Variants in ELMO1 observed in about 807,000 individuals in gnomAD.
The protein encoded by ELMO1 is engulfment and cell motility protein 1.
A neutral mutation model predicts 98.9 loss-of-function variants in ELMO1; 26 were observed. The observed-to-expected ratio is 0.26, with a 90% CI of 0.19 to 0.36. The LOEUF is 0.36. ELMO1 is among the 10% of genes least tolerant of loss of function. The pLI is 1.00. For synonymous variants in ELMO1, 346 were observed against 346.0 expected, an observed-to-expected ratio of 1.00 and a Z score of 0.00; for missense variants, 627 against 935.2, an observed-to-expected ratio of 0.67 and a Z score of 4.30.
At chr7:36,997,628 T>C (rs1413854744) in intron 16 of ELMO1, among the ~76,000 whole-genome samples, 1 of 152,106 alleles carries the variant, frequency 6.6e-6, no homozygotes, top group Non-Finnish European at 1.5e-5. Flanking sequence ...GAGTTTAGCT[T>C]TGGACATCCC....
intron 16 of ELMO1, among the ~76,000 whole-genome samples, chr7:36,922,158 T>C (rs1197254532): frequency 6.6e-6 from 1 of 152,092 alleles, no homozygotes; most frequent in Non-Finnish European, 1.5e-5. Context: ...TAATTTAACA[T>C]AAAGGAGAGG....
intron 13 of ELMO1, among the ~76,000 whole-genome samples, chr7:37,183,118 G>A (rs1392188259): frequency 4.6e-5 from 7 of 152,156 alleles, no homozygotes; most frequent in African/African-American, 1.7e-4. Flanking sequence ...AATAGTTTAG[G>A]AGCAGACATC....
chr7:37,372,155 C>T (rs6960995), intron 1 of ELMO1, among the ~76,000 whole-genome samples: 77,563 of 151,696 alleles, frequency 0.51, 19,952 homozygotes, highest in East Asian at 0.7. Flanking sequence ...TAGCACAGTT[C>T]CAAAACTCTA....
intron 4 of ELMO1, among the ~76,000 whole-genome samples, chr7:37,293,767 A>C (rs1583479201): frequency 6.6e-5 from 1 of 15,260 alleles, no homozygotes; most frequent in Non-Finnish European, 1.0e-4. Context: ...CTCTATATCC[A>C]AAAAAAAAAA....
chr7:37,247,266 G>T (rs1365104015), intron 6 of ELMO1, among the ~76,000 whole-genome samples: 1 of 152,176 alleles, frequency 6.6e-6, no homozygotes, highest in Non-Finnish European at 1.5e-5. Flanking sequence ...CTACGGTTTT[G>T]AAAGAAAGCT....
intron 5 of ELMO1, among the ~76,000 whole-genome samples, chr7:37,266,906 G>A (rs1039688077): frequency 2.6e-5 from 4 of 151,880 alleles, no homozygotes; most frequent in Admixed American, 6.6e-5. Context: ...CCAGCTACTC[G>A]GGAGGCTGAG....
chr7:36,898,790 G>A (rs1806248995), intron 16 of ELMO1, among the ~76,000 whole-genome samples: 1 of 152,186 alleles, frequency 6.6e-6, no homozygotes, highest in Non-Finnish European at 1.5e-5. Context: ...CCTACTCAGT[G>A]CAAGGAATGA....
intron 2 of ELMO1, among the ~76,000 whole-genome samples, chr7:37,329,184 C>A (rs933243585): frequency 3.3e-5 from 5 of 152,058 alleles, no homozygotes; most frequent in African/African-American, 1.2e-4. Context: ...TAATGTCACA[C>A]AAATGAAAGA....
chr7:37,333,820 C>T (rs1296558142), intron 2 of ELMO1, among the ~76,000 whole-genome samples: 7 of 152,240 alleles, frequency 4.6e-5, no homozygotes, highest in African/African-American at 1.7e-4. Flanking sequence ...TGCAGTATCA[C>T]AGTCTTTATT....
chr7:37,384,001 G>C (rs540932690), intron 1 of ELMO1, among the ~76,000 whole-genome samples: 4 of 152,278 alleles, frequency 2.6e-5, no homozygotes, highest in East Asian at 3.9e-4. Context: ...ATTTTTAGTA[G>C]AGACGGGGTT....
At chr7:37,192,951 A>G (rs1791705942) in intron 13 of ELMO1, among the ~76,000 whole-genome samples, 1 of 138,854 alleles carries the variant, frequency 7.2e-6, no homozygotes, top group South Asian at 2.2e-4. Context: ...ATACATATAT[A>G]TTTTTTATAT....
At chr7:37,250,028 A>C (rs1487510907) in intron 6 of ELMO1, among the ~76,000 whole-genome samples, 3 of 152,148 alleles carry the variant, frequency 2.0e-5, no homozygotes, top group Non-Finnish European at 2.9e-5. Flanking sequence ...GCAGTGAGCT[A>C]TGATTGTGCC....
At chr7:37,163,991 C>T (rs1347580000) in intron 13 of ELMO1, among the ~76,000 whole-genome samples, 1 of 152,202 alleles carries the variant, frequency 6.6e-6, no homozygotes, top group Non-Finnish European at 1.5e-5. Context: ...ACATACTCTC[C>T]AGCACTTGTT....
intron 1 of ELMO1, among the ~76,000 whole-genome samples, chr7:37,408,827 A>C (rs530259967): frequency 6.6e-6 from 1 of 152,324 alleles, no homozygotes; most frequent in Admixed American, 6.5e-5. Context: ...AAAGCTCTAG[A>C]GATCTGCTGC....
intron 13 of ELMO1, among the ~76,000 whole-genome samples, chr7:37,173,032 T>C (rs1465417253): frequency 1.3e-5 from 2 of 152,152 alleles, no homozygotes; most frequent in Non-Finnish European, 2.9e-5. Flanking sequence ...GAACCTTCTG[T>C]TATAGTAAAC....
chr7:37,201,455 T>C (rs1352155918), intron 13 of ELMO1, among the ~76,000 whole-genome samples: 5 of 152,050 alleles, frequency 3.3e-5, no homozygotes, highest in African/African-American at 1.2e-4. Context: ...TAAGGAAAAA[T>C]AACTGGGAAT....
intron 5 of ELMO1, among the ~76,000 whole-genome samples, chr7:37,267,415 CAAT>C (rs1796320457): frequency 6.6e-6 from 1 of 152,208 alleles, no homozygotes; most frequent in African/African-American, 2.4e-5. Flanking sequence ...TCACTAAAAA[CAAT>C]GATGCATATA....
rs577309869 is a variant in ELMO1, at chr7:37,272,695, A to C, written c.193-813T>G. On this transcript the variant is annotated intron_variant, in intron 4 of 21. Coordinates refer to ENST00000310758, the MANE Select transcript of ELMO1 (RefSeq NM_014800.11). ...CGTCTTAAAGGAAAAAAAAAAAAAA[A>C]GGAATTAAGTACCAATACATGCTAT... Among the ~76,000 whole-genome samples the C allele has an allele frequency of 4.4e-3, 661 of 151,444 alleles. 1 individual carries two copies. Among genetic ancestry groups the C allele is most frequent in the Middle Eastern group, 6.8e-3 (2 of 292 alleles).
intron 6 of ELMO1, among the ~76,000 whole-genome samples, chr7:37,256,723 G>A (rs1795676984): frequency 1.9e-5 from 2 of 105,118 alleles, no homozygotes; most frequent in African/African-American, 9.3e-5. Flanking sequence ...GAGAGGGGCA[G>A]GGGGAAGGGA....
Sources: gnomAD v4.1 joint callset for allele counts (sites outside exome capture counted in the v4.1 genomes callset) on GRCh38, gnomAD v4.1.1 for gene constraint, MANE v1.5 for transcripts, NCBI Gene and HGNC (gene_info 2026-07-23, HGNC 2026-07-21) for gene names.